The following MALRD1 variants were observed in gnomAD, a reference collection of about 807,000 sequenced individuals.
The protein encoded by MALRD1 is MAM and LDL receptor class A domain containing 1.
In MALRD1, 247 loss-of-function variants were observed where a neutral mutation model predicts 242.1. The ratio of observed to expected loss-of-function variants is 1.02; its 90% CI spans 0.92 to 1.13. MALRD1 has a LOEUF of 1.13. Among genes scored for constraint, MALRD1 ranks in the 50% most tolerant of loss-of-function variants. The pLI, the probability that MALRD1 is intolerant of heterozygous loss-of-function variation, is 0.00. For synonymous variants in MALRD1, 995 were observed against 866.6 expected (o/e 1.15, Z -2.60); for missense variants, 2,989 against 2,533.1 (o/e 1.18, Z -3.86).
chr10:19,309,304 T>C (rs949036896), intron 21 of MALRD1, among the ~76,000 whole-genome samples: 1 of 151,486 alleles, frequency 6.6e-6, no homozygotes, highest in Admixed American at 6.6e-5. Flanking sequence ...CACTCACCAA[T>C]ATTTAAGAAT....
chr10:19,212,028 C>T (rs1837094131), intron 18 of MALRD1, among the ~76,000 whole-genome samples: 1 of 152,100 alleles, frequency 6.6e-6, no homozygotes, highest in South Asian at 2.1e-4. Flanking sequence ...TCAGCCAATG[C>T]TTTCATGTGT....
chr10:19,332,862 C>T (rs1459889858), intron 24 of MALRD1, among the ~76,000 whole-genome samples: 2 of 152,076 alleles, frequency 1.3e-5, no homozygotes, highest in African/African-American at 4.8e-5. Flanking sequence ...AGAGTTGGTC[C>T]TAGAACACAA....
intron 38 of MALRD1, among the ~76,000 whole-genome samples, chr10:19,693,858 G>C (rs1041967635): frequency 5.3e-5 from 8 of 152,140 alleles, no homozygotes; most frequent in African/African-American, 1.9e-4. Context: ...AAACAGCATG[G>C]TACTGGTACC....
At chr10:19,396,898 C>T (rs978357165) in intron 28 of MALRD1, among the ~76,000 whole-genome samples, 10 of 152,166 alleles carry the variant, frequency 6.6e-5, no homozygotes, top group African/African-American at 1.9e-4. Context: ...TATTCCTTAT[C>T]GTATTTAATA....
chr10:19,677,484 A>C (rs981468697), intron 36 of MALRD1, among the ~76,000 whole-genome samples: 1 of 152,132 alleles, frequency 6.6e-6, no homozygotes, highest in Non-Finnish European at 1.5e-5. Context: ...GTGTTTGTTC[A>C]TGTCCTTTGC....
rs756086384 is a variant in MALRD1 at position 19,257,740 on chromosome 10, T to C, written c.3048T>C (p.Asp1016=). 1 of 1,542,134 alleles carries C rather than the reference T, an allele frequency of 6.5e-7. No homozygotes were observed. Among genetic ancestry groups the C allele is most frequent in the Non-Finnish European group, 8.8e-7 (1 of 1,142,040 alleles). The change falls in exon 19 of 40, where the codon GAT becomes GAC. Residue 1016 remains aspartate, a synonymous_variant. Coordinates refer to ENST00000454679, the MANE Select transcript of MALRD1 (RefSeq NM_001142308.3). ...TCACTGGAGATATTGCGATTGATGA[T>C]CTGTCATTTATGGACTGCACCCTCT... ...DGFTGDIAID[D]LSFMDCTLYP... is the part of the protein sequence containing the mutation.
At chr10:19,183,866 G>A (rs868369660) in intron 14 of MALRD1, among the ~76,000 whole-genome samples, 1 of 152,128 alleles carries the variant, frequency 6.6e-6, no homozygotes, top group Admixed American at 6.5e-5. Context: ...ATATAAAAGT[G>A]CAGTTACTTA....
chr10:19,308,384 T>G (rs1842307802), intron 21 of MALRD1, among the ~76,000 whole-genome samples: 1 of 151,596 alleles, frequency 6.6e-6, no homozygotes, highest in Non-Finnish European at 1.5e-5. Flanking sequence ...TTGTTATCTA[T>G]ACTCATTCTA....
chr10:19,269,151 CT>C (rs140028607), intron 19 of MALRD1, among the ~76,000 whole-genome samples: 2,358 of 152,302 alleles, frequency 0.015, 62 homozygotes, highest in African/African-American at 0.054. Flanking sequence ...CAACAAAACC[CT>C]ATAAGCTTTG....
intron 2 of MALRD1, among the ~76,000 whole-genome samples, chr10:19,087,455 T>A (rs552849105): frequency 1.3e-5 from 2 of 151,980 alleles, no homozygotes; most frequent in African/African-American, 4.8e-5. Context: ...ACAAAAAAAA[T>A]TATTAATCTA....
At chr10:19,293,071 C>T (rs1841526196) in intron 21 of MALRD1, among the ~76,000 whole-genome samples, 1 of 151,986 alleles carries the variant, frequency 6.6e-6, no homozygotes, top group Admixed American at 6.6e-5. Flanking sequence ...ACAGTAAATA[C>T]CAGAATTATT....
intron 32 of MALRD1, among the ~76,000 whole-genome samples, chr10:19,554,209 C>T (rs778063398): frequency 1.3e-5 from 2 of 152,008 alleles, no homozygotes; most frequent in African/African-American, 2.4e-5. Context: ...TGTTTTGGCT[C>T]ACAGTTCTGT....
At chr10:19,540,645 A>G (rs1408132403) in intron 32 of MALRD1, among the ~76,000 whole-genome samples, 1 of 152,156 alleles carries the variant, frequency 6.6e-6, no homozygotes, top group Non-Finnish European at 1.5e-5. Flanking sequence ...ATGAGATGTT[A>G]CTATATAGAC....
chr10:19,499,126 A>G (rs1164246985), intron 31 of MALRD1, among the ~76,000 whole-genome samples: 3 of 152,190 alleles, frequency 2.0e-5, no homozygotes, highest in Non-Finnish European at 2.9e-5. Context: ...GAGTATCAGC[A>G]TAATCTTCAC....
At chr10:19,206,389 A>G (rs557665360) in intron 17 of MALRD1, among the ~76,000 whole-genome samples, 1 of 152,292 alleles carries the variant, frequency 6.6e-6, no homozygotes, top group South Asian at 2.1e-4. Context: ...TGATTTTGAC[A>G]ATGACTATCC....
chr10:19,336,020 A>G (rs1177626749), intron 24 of MALRD1, among the ~76,000 whole-genome samples: 3 of 152,148 alleles, frequency 2.0e-5, no homozygotes, highest in African/African-American at 7.2e-5. Context: ...CCCATTCACA[A>G]CTGCTACAAA....
At chr10:19,174,548 C>G (rs970437078) in intron 13 of MALRD1, among the ~76,000 whole-genome samples, 1 of 152,054 alleles carries the variant, frequency 6.6e-6, no homozygotes. Flanking sequence ...TCCTTTCTCT[C>G]TCTCTCTCTC....
chr10:19,353,327 T>C lies in MALRD1; in HGVS notation c.4441+1030T>C, dbSNP rs150989256. On this transcript the variant is annotated intron_variant, in intron 26 of 39. Transcript: ENST00000454679. The stretch of plus-strand genomic sequence containing the variant: ...CAGCAGATATTAATTTTTTAAACCA[T>C]GAGTTTAGTGTAGAAAACAGAAGTG... Among the ~76,000 whole-genome samples, 533 of 152,234 alleles carry C rather than the reference T, an allele frequency of 3.5e-3. 1 individual carries two copies. Among genetic ancestry groups the C allele is most frequent in the Non-Finnish European group, 5.7e-3 (387 of 68,014 alleles).
At chr10:19,154,362 T>C (rs1834053135) in intron 11 of MALRD1, among the ~76,000 whole-genome samples, 1 of 152,064 alleles carries the variant, frequency 6.6e-6, no homozygotes, top group Non-Finnish European at 1.5e-5. Flanking sequence ...CCAATGAAAA[T>C]AGTTGGTTTT....
Sources: gnomAD v4.1 joint callset for allele counts (sites outside exome capture counted in the v4.1 genomes callset) on GRCh38, gnomAD v4.1.1 for gene constraint, MANE v1.5 for transcripts, NCBI Gene and HGNC (gene_info 2026-07-23, HGNC 2026-07-21) for gene names.